Variants in TAF15 observed in about 807,000 individuals in gnomAD.
TAF15 encodes TATA-box binding protein associated factor 15.
TAF15 carries 37 observed loss-of-function variants against 102.5 expected under a neutral mutation model. The ratio of observed to expected loss-of-function variants is 0.36; its 90% CI spans 0.28 to 0.47. The LOEUF (loss-of-function observed/expected upper bound fraction) is 0.47. Ranked by LOEUF, TAF15 falls within the 20% of genes least tolerant of loss-of-function variation. The pLI, the probability that TAF15 is intolerant of heterozygous loss-of-function variation, is 0.99. For synonymous variants in TAF15, 273 were observed against 259.2 expected (o/e 1.05, Z -0.51); for missense variants, 652 against 760.7 (o/e 0.86, Z 1.68).
chr17:35,819,337 G>T (rs940302367), intron 2 of TAF15, among the ~76,000 whole-genome samples: 1 of 152,124 alleles, frequency 6.6e-6, no homozygotes, highest in Non-Finnish European at 1.5e-5. Flanking sequence ...CAGAAAGTTT[G>T]TTTCTGACTT....
chr17:35,844,412 G>T (rs769621911), intron 14 of TAF15, 44 bp downstream of exon 14: 19 of 1,612,926 alleles, frequency 1.2e-5, no homozygotes, highest in Admixed American at 6.7e-5. Flanking sequence ...CTTATCTTCT[G>T]ACTAGCATTA....
chr17:35,844,093 A>T lies in TAF15; in HGVS notation c.1023A>T (p.Arg341Ser), dbSNP rs1207328747. ...TCCCCCTAGGCCGTGGAGGATATAG[A>T]GGTCGTGGAGGCTTTCAAGGGAGAG... Reference protein sequence around the residue: ...GGGRRGRGGYRGRGGFQGRGG... With the variant: ...GGGRRGRGGYSGRGGFQGRGG... Residue 341 changes from arginine (R) to serine (S), a missense_variant, in exon 13 of 16, where the codon AGA becomes AGT. Physicochemically the swap from Arg to Ser is moderately radical, Grantham distance 110 (BLOSUM62 -1). Coordinates refer to ENST00000605844, the MANE Select transcript of TAF15 (RefSeq NM_139215.3). 2 of 1,614,086 alleles carry T rather than the reference A, an allele frequency of 1.2e-6. No homozygotes were observed. The highest frequency in any genetic ancestry group is 8.5e-7 in the Non-Finnish European group (1 of 1,180,016).
chr17:35,826,030 A>G (rs1030933665), intron 7 of TAF15, among the ~76,000 whole-genome samples: 15 of 152,192 alleles, frequency 9.9e-5, no homozygotes, highest in Admixed American at 9.8e-4. Context: ...AGGACTTTGA[A>G]TGATCCTCCT....
intron 5 of TAF15, among the ~76,000 whole-genome samples, chr17:35,822,344 CAA>C (rs909362495): frequency 4.4e-4 from 30 of 67,420 alleles, no homozygotes; most frequent in Admixed American, 8.1e-4. Context: ...ACCTCTGTCT[CAA>C]AAAAAAAAAA....
At chr17:35,836,651 C>G (rs1408712865) in intron 10 of TAF15, among the ~76,000 whole-genome samples, 1 of 152,104 alleles carries the variant, frequency 6.6e-6, no homozygotes, top group Non-Finnish European at 1.5e-5. Flanking sequence ...TTCACTAAAG[C>G]GTCTTTTGCA....
At chr17:35,845,086 G>C in intron 15 of TAF15, 48 bp downstream of exon 15, 3 of 1,609,550 alleles carry the variant, frequency 1.9e-6, no homozygotes, top group South Asian at 2.2e-5. Context: ...ACTGCACCTA[G>C]ATTGGGGGAT....
chr17:35,829,050 G>A (rs572207694), intron 7 of TAF15, among the ~76,000 whole-genome samples: 21 of 145,878 alleles, frequency 1.4e-4, no homozygotes, highest in African/African-American at 5.1e-4. Flanking sequence ...AAATACAGCT[G>A]TTATGGAGAA....
At position 35,820,364 on chromosome 17, in the gene TAF15, C is replaced by G; in HGVS notation, c.217C>G (p.Gln73Glu). 1 of 1,613,970 alleles carries G rather than the reference C, an allele frequency of 6.2e-7. No homozygotes were observed. Among genetic ancestry groups the G allele is most frequent in the African/African-American group, 1.3e-5 (1 of 74,998 alleles). Residue 73 changes from glutamine (Q) to glutamate (E), a missense_variant, in exon 5 of 16, where the codon CAA (glutamine) becomes GAA (glutamate). This residue lies in a region of TAF15 where 243 missense variants were observed against 284.1 expected (regional missense o/e 0.86). Transcript: ENST00000605844. ...YSQSYGGYEN[Q>E]KQSSYSQQPY... Reference sequence around the variant, plus strand: ...ACAGTCCTATGGTGGTTATGAGAATCAAAAGCAGAGCTCATATAGCCAGCA... The same window carrying G: ...ACAGTCCTATGGTGGTTATGAGAATGAAAAGCAGAGCTCATATAGCCAGCA...
chr17:35,831,264 G>A (rs2087401743), intron 7 of TAF15, among the ~76,000 whole-genome samples: 1 of 151,948 alleles, frequency 6.6e-6, no homozygotes, highest in South Asian at 2.1e-4. Context: ...AAAATTAGCC[G>A]GGCATGGTGG....
intron 8 of TAF15, 101 bp from the exon 9 acceptor site, chr17:35,834,465 G>A: frequency 9.8e-7 from 1 of 1,015,604 alleles, no homozygotes; most frequent in Non-Finnish European, 1.5e-6. Flanking sequence ...AAGGATTTTG[G>A]AAGTATTGAC....
chr17:35,843,418 C>G (rs1429730624), intron 12 of TAF15, among the ~76,000 whole-genome samples: 1 of 152,204 alleles, frequency 6.6e-6, no homozygotes, highest in Non-Finnish European at 1.5e-5. Context: ...GCCACTGCAC[C>G]CAGCCCAGCT....
rs748240842 is a variant in TAF15, at chr17:35,844,487, G to A, written c.1188G>A (p.Gly396=). Residue 396 remains glycine (G), a synonymous_variant, in exon 15 of 16, where the codon GGG becomes GGA. Transcript: ENST00000605844. Reference sequence around the variant, plus strand: ...ATTTCTACCTTGCAGATTTCCGGGGGAGAGGCTACGGTGGAGAGAGGGGCT... The same window carrying A: ...ATTTCTACCTTGCAGATTTCCGGGGAAGAGGCTACGGTGGAGAGAGGGGCT... The part of the protein sequence containing the change: ...DSRPSGGDFR[G]RGYGGERGYR... 2.5e-6 allele frequency: 4 copies of A among 1,613,562 alleles called. No homozygotes were observed. Among genetic ancestry groups the A allele is most frequent in the East Asian group, 4.5e-5 (2 of 44,848 alleles).
intron 7 of TAF15, 83 bp downstream of exon 7, chr17:35,824,281 C>T (rs1234338766): frequency 2.6e-6 from 4 of 1,546,848 alleles, no homozygotes; most frequent in Non-Finnish European, 2.6e-6. Context: ...TGGATCAATT[C>T]CAGCATCTAA....
chr17:35,828,327 T>G (rs1003120139), intron 7 of TAF15, among the ~76,000 whole-genome samples: 1 of 152,252 alleles, frequency 6.6e-6, no homozygotes, highest in African/African-American at 2.4e-5. Context: ...ACCCATATAG[T>G]TAATTGTAAA....
At chr17:35,826,785 C>T (rs2143779338) in intron 7 of TAF15, among the ~76,000 whole-genome samples, 1 of 145,078 alleles carries the variant, frequency 6.9e-6, no homozygotes, top group Non-Finnish European at 1.5e-5. Flanking sequence ...CTAGGATGGT[C>T]TCGATCTCCT....
chr17:35,846,849 T>C (rs1312308494), intron 15 of TAF15, 57 bp from the exon 16 acceptor site: 3 of 1,592,400 alleles, frequency 1.9e-6, no homozygotes, highest in Non-Finnish European at 2.6e-6. Flanking sequence ...AAGTGTCTAA[T>C]GCTCCCCCTT....
At chr17:35,846,611 T>G (rs2087625750) in intron 15 of TAF15, among the ~76,000 whole-genome samples, 1 of 152,242 alleles carries the variant, frequency 6.6e-6, no homozygotes, top group South Asian at 2.1e-4. Flanking sequence ...CTCTCCTATT[T>G]AGAGTGCTGG....
In TAF15 at chr17:35,844,358, C is replaced by G; in HGVS notation, c.1167C>G (p.Pro389=). 2 of 1,614,180 alleles carry G rather than the reference C, an allele frequency of 1.2e-6. No individual in the cohort carries two copies. Among genetic ancestry groups the G allele is most frequent in the Non-Finnish European group, 1.7e-6 (2 of 1,180,018 alleles). Residue 389 remains proline, a synonymous_variant, in exon 14 of 16, where the codon CCC becomes CCG. Transcript: ENST00000605844. ...AGCCTAGACCAGAGGACTCTCGTCC[C>G]TCAGGAGGAGGTGGGTCAGCCTTTT... ...CNEPRPEDSR[P]SGGDFRGRGY... is the part of the protein sequence containing the mutation.
chr17:35,833,252 C>G (rs1397140550), intron 7 of TAF15, among the ~76,000 whole-genome samples: 1 of 152,094 alleles, frequency 6.6e-6, no homozygotes, highest in Admixed American at 6.5e-5. Context: ...GCATGAACCT[C>G]CGTAGCTCTG....
Sources: allele counts gnomAD v4.1 joint callset (sites outside exome capture counted in the v4.1 genomes callset), GRCh38; gene constraint gnomAD v4.1.1; regional missense constraint gnomAD v4.1.1; transcripts MANE v1.5; gene names NCBI Gene and HGNC (gene_info 2026-07-23, HGNC 2026-07-21).